Variants in MANBA observed in about 807,000 individuals in gnomAD.
MANBA encodes the protein beta-mannosidase.
MANBA carries 83 observed loss-of-function variants against 111.1 expected under a neutral mutation model. The observed-to-expected ratio is 0.75, with a 90% CI of 0.63 to 0.90. The LOEUF is 0.90. Among genes scored for constraint, MANBA ranks in the 40% least tolerant of loss-of-function variants. The pLI, the probability that MANBA is intolerant of heterozygous loss-of-function variation, is 0.00. For synonymous variants in MANBA, 370 were observed against 378.7 expected (o/e 0.98, Z 0.27); for missense variants, 1,036 against 1,069.0 (o/e 0.97, Z 0.43).
intron 5 of MANBA, among the ~76,000 whole-genome samples, chr4:102,696,687 A>G (rs764287913): frequency 6.6e-5 from 10 of 152,274 alleles, no homozygotes; most frequent in African/African-American, 2.4e-4. Flanking sequence ...GGGAAAACCT[A>G]TTCAAAGATA....
intron 1 of MANBA, among the ~76,000 whole-genome samples, 156 bp downstream of exon 1, chr4:102,760,562 G>T (rs1013003030): frequency 4.6e-5 from 7 of 152,210 alleles, no homozygotes; most frequent in Non-Finnish European, 8.8e-5. Context: ...CATAGCTTGG[G>T]CATTTCCCCC....
chr4:102,730,537 T>C, intron 1 of MANBA: 1 of 531,896 alleles, frequency 1.9e-6, no homozygotes, highest in South Asian at 1.4e-5. Flanking sequence ...TAGATTTTTC[T>C]ATGAGAAATA....
intron 4 of MANBA, 128 bp from the exon 5 acceptor site, chr4:102,714,689 T>C: frequency 1.1e-6 from 1 of 878,586 alleles, no homozygotes; most frequent in Non-Finnish European, 1.8e-6. Context: ...TAACAAAGTA[T>C]CACAAACTAA....
At chr4:102,726,466 CAAACA>C (rs149166963) in intron 2 of MANBA, 118 bp downstream of exon 2, 42 of 644,318 alleles carry the variant, frequency 6.5e-5, no homozygotes, top group Non-Finnish European at 8.7e-5. Context: ...GTAACCTAAA[CAAACA>C]AAACAAAACA....
At chr4:102,665,627 A>G (rs2110217717) in intron 10 of MANBA, 1 of 152,086 alleles carries the variant, frequency 6.6e-6, no homozygotes, top group African/African-American at 2.4e-5. Context: ...CTACATAAAG[A>G]CAAAAGGATC....
At chr4:102,663,740 A>G (rs994388983) in intron 11 of MANBA, among the ~76,000 whole-genome samples, 2 of 152,258 alleles carry the variant, frequency 1.3e-5, no homozygotes, top group Admixed American at 6.5e-5. Context: ...ATTTACAGAC[A>G]CAAAAGTGTA....
intron 7 of MANBA, among the ~76,000 whole-genome samples, chr4:102,680,400 T>A (rs1731909022): frequency 6.6e-6 from 1 of 152,176 alleles, no homozygotes; most frequent in African/African-American, 2.4e-5. Context: ...CTGAGCTGAT[T>A]CACGTGTCCA....
rs1290511795 is a variant in MANBA at position 102,634,794 on chromosome 4, C to T, written c.2409G>A (p.Gln803=). The change falls in exon 16 of 17, where the codon CAG becomes CAA. Residue 803 remains glutamine, a synonymous_variant. Coordinates refer to ENST00000647097, the MANE Select transcript of MANBA (RefSeq NM_005908.4). ...PKEAVGLCKA[Q]ITAIISQQGD... ...CGCCATGACCTGTGCTTACAGTGAT[C>T]TGCGCCTTGCAGAGCCCCACGGCCT... The T allele has an allele frequency of 6.2e-7, 1 of 1,613,592 alleles. No individual in the cohort carries two copies. The highest frequency in any genetic ancestry group is 1.1e-5 in the South Asian group (1 of 91,046).
chr4:102,718,614 G>T lies in MANBA; in HGVS notation c.550-4053C>A, dbSNP rs182453341. Among the ~76,000 whole-genome samples, 500 of 152,350 alleles carry T rather than the reference G, an allele frequency of 3.3e-3. 6 individuals carry two copies. Among genetic ancestry groups the T allele is most frequent in the African/African-American group, 0.012 (479 of 41,594 alleles). On this transcript the variant is annotated intron_variant, in intron 4 of 16. Coordinates refer to ENST00000647097, the MANE Select transcript of MANBA (RefSeq NM_005908.4). ...CCACTATCCATTCTGGACAGAAAAGGAAGCAGAGACAATAGGGGACTTAGG... is the reference window on the plus strand; with the variant it reads ...CCACTATCCATTCTGGACAGAAAAGTAAGCAGAGACAATAGGGGACTTAGG...
chr4:102,682,145 TCA>T (rs1732012691), intron 7 of MANBA, among the ~76,000 whole-genome samples: 1 of 110,258 alleles, frequency 9.1e-6, no homozygotes. Flanking sequence ...CAACTCTGTC[TCA>T]AAAAAAAAAA....
At chr4:102,729,340 G>A in intron 1 of MANBA, 1 of 757,124 alleles carries the variant, frequency 1.3e-6, no homozygotes, top group African/African-American at 1.7e-5. Context: ...CATGCTCTCA[G>A]CCTTGGCCTG....
At chr4:102,642,612 GAAGAA>G (rs1729930933) in intron 13 of MANBA, among the ~76,000 whole-genome samples, 1 of 151,954 alleles carries the variant, frequency 6.6e-6, no homozygotes, top group African/African-American at 2.4e-5. Context: ...GTCTAAAAAA[GAAGAA>G]AAGAAAAAAA....
intron 1 of MANBA, among the ~76,000 whole-genome samples, chr4:102,731,369 A>G (rs1042678561): frequency 6.7e-6 from 1 of 150,330 alleles, no homozygotes; most frequent in Non-Finnish European, 1.5e-5. Context: ...TCTACTGCCC[A>G]AAAGTCAGCA....
chr4:102,729,454 G>A (rs548515116), intron 1 of MANBA: 7 of 1,285,496 alleles, frequency 5.4e-6, no homozygotes, highest in African/African-American at 2.9e-5. Flanking sequence ...AGATGTGTCC[G>A]AGATCTGGGA....
At chr4:102,632,340 G>T in intron 16 of MANBA, 59 bp from the exon 17 acceptor site, 1 of 1,308,156 alleles carries the variant, frequency 7.6e-7, no homozygotes, top group Non-Finnish European at 1.1e-6. Flanking sequence ...TATATAGTCT[G>T]TATACAGTTC....
At chr4:102,751,378 A>G (rs1052227612) in intron 1 of MANBA, 13 of 396,134 alleles carry the variant, frequency 3.3e-5, no homozygotes, top group Admixed American at 9.1e-5. Context: ...ACTAACCCAA[A>G]AGTCTTGTGT....
chr4:102,710,939 A>G (rs1329774918), intron 5 of MANBA, among the ~76,000 whole-genome samples: 1 of 152,138 alleles, frequency 6.6e-6, no homozygotes, highest in Non-Finnish European at 1.5e-5. Flanking sequence ...CTGGACTCTT[A>G]TCTCTCACCA....
chr4:102,673,858 C>G lies in MANBA; in HGVS notation c.1112+61G>C, dbSNP rs142912176. 5 of 1,481,876 alleles carry G rather than the reference C, an allele frequency of 3.4e-6. No homozygotes were observed. In the Admixed American group the frequency reaches 8.4e-5, roughly 25 times the overall value. The allele number at this position is 1,481,876 out of a possible 1,614,324, so 91.8% of individuals were successfully genotyped here. ...ACTAAAGAAAGTAAAAATGAGTAAA[C>G]CTCAAGCTTTGCGGGACTGCTAATT... On this transcript the variant is annotated intron_variant, in intron 8 of 16. Transcript: ENST00000647097.
rs1453887960 is a variant in MANBA, at chr4:102,631,458, A to C, written c.*599T>G. On this transcript the variant is annotated 3_prime_UTR_variant, in exon 17 of 17. Coordinates refer to ENST00000647097, the MANE Select transcript of MANBA (RefSeq NM_005908.4). Reference sequence around the variant, plus strand: ...GTATTGGGCAAAATTGAATATTTATAGAACGGTTAAATAAGCCACAGATGA... The same window carrying C: ...GTATTGGGCAAAATTGAATATTTATCGAACGGTTAAATAAGCCACAGATGA... 1 of 296,298 alleles carries C rather than the reference A, an allele frequency of 3.4e-6. No homozygotes were observed. Among genetic ancestry groups the C allele is most frequent in the Non-Finnish European group, 6.1e-6 (1 of 163,454 alleles). 18.4% of individuals were successfully genotyped at this position (296,298 alleles called of 1,614,324 possible).
Sources: allele counts gnomAD v4.1 joint callset (sites outside exome capture counted in the v4.1 genomes callset), GRCh38; gene constraint gnomAD v4.1.1; transcripts MANE v1.5; gene names NCBI Gene and HGNC (gene_info 2026-07-23, HGNC 2026-07-21).